SIL1: variants seen among roughly 807,000 people sequenced by gnomAD.
The protein encoded by SIL1 is SIL1 nucleotide exchange factor.
In SIL1, 40 loss-of-function variants were observed where a neutral mutation model predicts 49.1. That is an observed-to-expected ratio of 0.81 (90% CI 0.63 to 1.06). The LOEUF is 1.06. Ranked by LOEUF, SIL1 falls within the 50% of genes least tolerant of loss-of-function variation. The pLI, the probability that SIL1 is intolerant of heterozygous loss-of-function variation, is 0.00. For synonymous variants in SIL1, 253 were observed against 250.8 expected (o/e 1.01, Z -0.08); for missense variants, 500 against 572.6 (o/e 0.87, Z 1.29).
At chr5:139,062,880 A>C (rs776726847) in intron 3 of SIL1, among the ~76,000 whole-genome samples, 1 of 152,222 alleles carries the variant, frequency 6.6e-6, no homozygotes, top group Non-Finnish European at 1.5e-5. Flanking sequence ...ATGTGCCCAC[A>C]AAGGGCCACT....
intron 3 of SIL1, among the ~76,000 whole-genome samples, chr5:139,085,087 T>C (rs1425816923): frequency 6.6e-6 from 1 of 152,088 alleles, no homozygotes; most frequent in Non-Finnish European, 1.5e-5. Context: ...TAAAAGAATA[T>C]GGTTTTAACA....
At chr5:139,094,458 G>A (rs776331421) in intron 3 of SIL1, among the ~76,000 whole-genome samples, 1 of 152,164 alleles carries the variant, frequency 6.6e-6, no homozygotes, top group Non-Finnish European at 1.5e-5. Context: ...AAAATCTATA[G>A]ATTAAATAAT....
At chr5:139,057,006 G>C (rs1271426914) in intron 3 of SIL1, among the ~76,000 whole-genome samples, 5 of 152,234 alleles carry the variant, frequency 3.3e-5, no homozygotes, top group African/African-American at 9.6e-5. Context: ...TCCTGTTGAT[G>C]GGTGACCTTA....
At chr5:139,067,761 T>C (rs75693748) in intron 3 of SIL1, among the ~76,000 whole-genome samples, 42 of 152,250 alleles carry the variant, frequency 2.8e-4, no homozygotes, top group Non-Finnish European at 5.4e-4. Context: ...AAGGATAAAT[T>C]AGTGCAAGGC....
chr5:139,102,855 C>T (rs1303107526), intron 3 of SIL1, among the ~76,000 whole-genome samples: 1 of 152,062 alleles, frequency 6.6e-6, no homozygotes, highest in Non-Finnish European at 1.5e-5. Flanking sequence ...GCTGGGATTA[C>T]AGGCATGCAC....
intron 1 of SIL1, among the ~76,000 whole-genome samples, chr5:139,129,935 A>G (rs1216830239): frequency 6.6e-6 from 1 of 152,206 alleles, no homozygotes; most frequent in African/African-American, 2.4e-5. Flanking sequence ...AAATAGTGAA[A>G]AGACAGAATG....
intron 7 of SIL1, among the ~76,000 whole-genome samples, chr5:138,977,303 G>A (rs913300274): frequency 2.0e-5 from 3 of 152,014 alleles, no homozygotes; most frequent in African/African-American, 7.3e-5. Context: ...GCACTATCAT[G>A]GCCATCAGAT....
At chr5:138,981,809 C>T (rs964185911) in intron 7 of SIL1, among the ~76,000 whole-genome samples, 9 of 152,124 alleles carry the variant, frequency 5.9e-5, no homozygotes, top group East Asian at 5.8e-4. Flanking sequence ...CGCCTGCTCT[C>T]GCGTGCTCTC....
intron 7 of SIL1, among the ~76,000 whole-genome samples, chr5:139,011,206 G>T (rs1238621871): frequency 1.3e-5 from 2 of 151,276 alleles, no homozygotes; most frequent in South Asian, 4.3e-4. Context: ...GCAATATTCG[G>T]GTGGGAGTGA....
At chr5:139,197,545 T>G (rs2151826269) in intron 1 of SIL1, among the ~76,000 whole-genome samples, 1 of 152,272 alleles carries the variant, frequency 6.6e-6, no homozygotes, top group East Asian at 1.9e-4. Flanking sequence ...ATTCCTCCGG[T>G]GCAAAGAAAG....
chr5:139,112,530 G>C (rs1459304762), intron 3 of SIL1, among the ~76,000 whole-genome samples: 4 of 151,292 alleles, frequency 2.6e-5, no homozygotes, highest in East Asian at 3.9e-4. Flanking sequence ...GCCTCTGCCC[G>C]GCCGCCCCGT....
At chr5:139,014,429 T>C (rs1447071012) in intron 7 of SIL1, among the ~76,000 whole-genome samples, 1 of 149,684 alleles carries the variant, frequency 6.7e-6, no homozygotes, top group Non-Finnish European at 1.5e-5. Context: ...AAGATGATGA[T>C]AAAACAAAGA....
intron 4 of SIL1, among the ~76,000 whole-genome samples, chr5:139,049,330 A>C (rs986820662): frequency 6.6e-6 from 1 of 152,056 alleles, no homozygotes; most frequent in East Asian, 1.9e-4. Context: ...CTGCCACCAC[A>C]CCCAGCTAAT....
intron 3 of SIL1, among the ~76,000 whole-genome samples, chr5:139,091,702 C>T (rs1770346320): frequency 6.6e-6 from 1 of 152,176 alleles, no homozygotes. Flanking sequence ...CCTGGATGAG[C>T]CTGGAAGTAG....
intron 7 of SIL1, among the ~76,000 whole-genome samples, chr5:139,005,095 T>C (rs902241208): frequency 1.6e-4 from 24 of 152,248 alleles, no homozygotes; most frequent in African/African-American, 5.5e-4. Context: ...TAACAATACA[T>C]TGCATTCCTG....
At chr5:139,039,230 A>G (rs910415243) in intron 5 of SIL1, among the ~76,000 whole-genome samples, 1 of 152,212 alleles carries the variant, frequency 6.6e-6, no homozygotes, top group African/African-American at 2.4e-5. Context: ...TGCCAGGAGC[A>G]GACGTGAGTT....
chr5:138,987,359 C>A (rs1463093363), intron 7 of SIL1, among the ~76,000 whole-genome samples: 1 of 151,870 alleles, frequency 6.6e-6, no homozygotes, highest in African/African-American at 2.4e-5. Flanking sequence ...TTGATCTACC[C>A]ACTCGGCCTC....
intron 7 of SIL1, among the ~76,000 whole-genome samples, chr5:138,983,932 T>G (rs1194750146): frequency 6.6e-6 from 1 of 152,080 alleles, no homozygotes; most frequent in African/African-American, 2.4e-5. Flanking sequence ...GGCAGATAGG[T>G]GGGACAGGAG....
intron 1 of SIL1, among the ~76,000 whole-genome samples, chr5:139,171,202 C>T (rs548446449): frequency 6.6e-6 from 1 of 152,312 alleles, no homozygotes; most frequent in South Asian, 2.1e-4. Context: ...GGGAGGTGTA[C>T]CCAACAGCTC....
Sources: allele counts gnomAD v4.1 joint callset (sites outside exome capture counted in the v4.1 genomes callset), GRCh38; gene constraint gnomAD v4.1.1; transcripts MANE v1.5; gene names NCBI Gene and HGNC (gene_info 2026-07-23, HGNC 2026-07-21).